TTC3: variants seen among roughly 807,000 people sequenced by gnomAD.
The protein encoded by TTC3 is E3 ubiquitin-protein ligase TTC3.
In TTC3, 180 loss-of-function variants were observed where a neutral mutation model predicts 249.6. That is an observed-to-expected ratio of 0.72 (90% CI 0.64 to 0.82). The LOEUF is 0.82. Ranked by LOEUF, TTC3 falls within the 40% of genes least tolerant of loss-of-function variation. TTC3 has a pLI of 0.00. For synonymous variants in TTC3, 717 were observed against 805.0 expected (o/e 0.89, Z 1.85); for missense variants, 2,061 against 2,398.4 (o/e 0.86, Z 2.94).
rs192535641 is a variant in TTC3, at chr21:37,104,387, C to T, written c.846-4005C>T. On this transcript the variant is annotated intron_variant, in intron 10 of 45. Transcript: ENST00000355666. ...GGAGGATCACCAGAGGTCAGGAGTT[C>T]GAGACCAGCCTGGCCAACATGGTGA... 8.8e-4 allele frequency among the ~76,000 whole-genome samples: 134 copies of T among 152,070 alleles called. 3 individuals are homozygous for T. In the East Asian group the frequency reaches 0.012, roughly 13 times the overall value.
At chr21:37,180,642 G>T in intron 35 of TTC3, among the ~76,000 whole-genome samples, 1 of 146,702 alleles carries the variant, frequency 6.8e-6, no homozygotes. Flanking sequence ...GATAGCATTG[G>T]GAGATATACC....
intron 35 of TTC3, among the ~76,000 whole-genome samples, chr21:37,180,719 C>T (rs2082680014): frequency 6.8e-6 from 1 of 147,560 alleles, no homozygotes; most frequent in Admixed American, 6.8e-5. Context: ...ATGTAACTAA[C>T]CTGCACAATG....
chr21:37,090,807 C>G (rs566487219), intron 6 of TTC3, among the ~76,000 whole-genome samples: 1 of 152,286 alleles, frequency 6.6e-6, no homozygotes, highest in African/African-American at 2.4e-5. Flanking sequence ...ATTTGCCCAG[C>G]CACATCTTCC....
intron 12 of TTC3, 45 bp downstream of exon 12, chr21:37,122,024 C>T (rs1390768938): frequency 6.5e-7 from 1 of 1,534,132 alleles, no homozygotes; most frequent in African/African-American, 1.4e-5. Flanking sequence ...AATTCCCTTT[C>T]AAACTTTGGA....
chr21:37,098,042 A>G, intron 10 of TTC3: 2 of 667,686 alleles, frequency 3.0e-6, no homozygotes, highest in East Asian at 2.7e-5. Flanking sequence ...TAGATGGCTT[A>G]AGCCGTGGAT....
chr21:37,184,629 A>AT (rs765134090), intron 36 of TTC3, among the ~76,000 whole-genome samples: 15,948 of 121,422 alleles, frequency 0.13, 2,404 homozygotes, highest in African/African-American at 0.34. Flanking sequence ...TAATTTTTCT[A>AT]TTTTTTTTTT....
intron 18 of TTC3, among the ~76,000 whole-genome samples, chr21:37,137,157 G>A (rs992615307): frequency 1.5e-4 from 23 of 152,208 alleles, no homozygotes; most frequent in Admixed American, 1.5e-3. Context: ...GATGAATGTT[G>A]TTTTCATGCC....
rs184497842 is a variant in TTC3 at position 37,111,345 on chromosome 21, G to A, written c.900+2899G>A. Among the ~76,000 whole-genome samples, 226 of 152,246 alleles carry A rather than the reference G, an allele frequency of 1.5e-3. 2 individuals are homozygous for A. Among genetic ancestry groups the A allele is most frequent in the African/African-American group, 4.9e-3 (205 of 41,538 alleles). ...CAGAGACATATAGGCTCAAAATAAA[G>A]GGATGGAGGAAGATCTACCAAGCAA... On this transcript the variant is annotated intron_variant, in intron 11 of 45. Transcript: ENST00000355666.
intron 1 of TTC3, 111 bp from the exon 2 acceptor site, chr21:37,087,136 C>CT: frequency 8.1e-7 from 1 of 1,237,696 alleles, no homozygotes; most frequent in Non-Finnish European, 1.1e-6. Flanking sequence ...GAGTTATTTC[C>CT]TTGGGCATAG....
intron 9 of TTC3, 166 bp downstream of exon 9, chr21:37,095,610 A>G (rs570427801): frequency 1.3e-5 from 6 of 471,946 alleles, no homozygotes; most frequent in East Asian, 7.0e-5. Context: ...TGGCCTGGGT[A>G]TATGAAGCTA....
exon 9 of TTC3, chr21:37,095,413 A>T (rs749896752): frequency 1.2e-6 from 2 of 1,606,838 alleles, no homozygotes; most frequent in Non-Finnish European, 1.7e-6. Flanking sequence ...TGATATAGCT[A>T]TTATCTATTA....
At chr21:37,197,590 T>A in exon 43 of TTC3, 1 of 1,611,952 alleles carries the variant, frequency 6.2e-7, no homozygotes, top group South Asian at 1.1e-5. Context: ...GCTGGTTTTA[T>A]TAAAAAAGTG....
chr21:37,074,879 A>G (rs2070614305), intron 1 of TTC3, among the ~76,000 whole-genome samples: 1 of 152,154 alleles, frequency 6.6e-6, no homozygotes, highest in Non-Finnish European at 1.5e-5. Flanking sequence ...AATATTTCAG[A>G]TATCAAATAC....
At chr21:37,147,571 A>G (rs1218695286) in exon 22 of TTC3, 3 of 1,611,734 alleles carry the variant, frequency 1.9e-6, no homozygotes, top group Non-Finnish European at 2.5e-6. Flanking sequence ...ATATTCTAAG[A>G]TCCAGATATA....
intron 36 of TTC3, 72 bp from the exon 37 acceptor site, chr21:37,185,634 C>A: frequency 2.7e-6 from 2 of 736,438 alleles, no homozygotes; most frequent in Non-Finnish European, 4.2e-6. Flanking sequence ...GATATGGGTG[C>A]AATTTACTGT....
At chr21:37,099,930 A>C (rs2074313762) in intron 10 of TTC3, among the ~76,000 whole-genome samples, 1 of 152,258 alleles carries the variant, frequency 6.6e-6, no homozygotes, top group African/African-American at 2.4e-5. Context: ...CATACAATGG[A>C]ATTCTATATG....
chr21:37,092,781 A>G (rs1412674925), intron 7 of TTC3, among the ~76,000 whole-genome samples: 1 of 152,198 alleles, frequency 6.6e-6, no homozygotes, highest in Non-Finnish European at 1.5e-5. Context: ...CTAGAGGCTT[A>G]ACTATAGTTT....
chr21:37,191,541 T>C, intron 40 of TTC3, 117 bp downstream of exon 40: 1 of 601,438 alleles, frequency 1.7e-6, no homozygotes, highest in Non-Finnish European at 2.6e-6. Context: ...ATAATTTTTT[T>C]TGTTGAAAGT....
At chr21:37,166,228 G>A in exon 33 of TTC3, 5 of 1,614,180 alleles carry the variant, frequency 3.1e-6, no homozygotes, top group Non-Finnish European at 4.2e-6. Context: ...ACATAAACGT[G>A]TTACCAGGTT....
Sources: allele counts gnomAD v4.1 joint callset (sites outside exome capture counted in the v4.1 genomes callset), GRCh38; gene constraint gnomAD v4.1.1; transcripts MANE v1.5; gene names NCBI Gene and HGNC (gene_info 2026-07-23, HGNC 2026-07-21).